The following TBC1D22A variants were observed in gnomAD, a reference collection of about 807,000 sequenced individuals.
TBC1D22A encodes the protein TBC1 domain family member 22A.
In TBC1D22A, 38 loss-of-function variants were observed where a neutral mutation model predicts 60.2. That is an observed-to-expected ratio of 0.63 (90% CI 0.49 to 0.83). The LOEUF is 0.83. TBC1D22A is among the 40% of genes least tolerant of loss of function. The pLI is 0.00. For missense variants in TBC1D22A, 628 were observed against 701.0 expected, an observed-to-expected ratio of 0.90 and a Z score of 1.18; for synonymous variants, 302 against 281.7, an observed-to-expected ratio of 1.07 and a Z score of -0.72.
intron 11 of TBC1D22A, among the ~76,000 whole-genome samples, chr22:47,058,096 G>C (rs908518388): frequency 1.3e-5 from 2 of 152,218 alleles, no homozygotes; most frequent in Non-Finnish European, 2.9e-5. Context: ...CTGCCCAGCA[G>C]ATCTGAGCTC....
At chr22:47,146,698 CGGT>C (rs948905113) in intron 12 of TBC1D22A, among the ~76,000 whole-genome samples, 2 of 152,194 alleles carry the variant, frequency 1.3e-5, no homozygotes, top group African/African-American at 4.8e-5. Context: ...GTCCATGACT[CGGT>C]GGCCCTTTCT....
At chr22:47,013,916 G>T (rs1304026268) in intron 10 of TBC1D22A, among the ~76,000 whole-genome samples, 1 of 152,194 alleles carries the variant, frequency 6.6e-6, no homozygotes, top group African/African-American at 2.4e-5. Flanking sequence ...GCTGCACACG[G>T]CCAGTCCTCC....
intron 9 of TBC1D22A, among the ~76,000 whole-genome samples, chr22:46,979,855 T>C (rs74667396): frequency 1.3e-5 from 2 of 152,074 alleles, no homozygotes; most frequent in Non-Finnish European, 2.9e-5. Context: ...AACAGACCCC[T>C]TGAAAGGTCT....
intron 8 of TBC1D22A, among the ~76,000 whole-genome samples, chr22:46,958,384 C>T (rs74491448): frequency 0.08 from 12,197 of 152,198 alleles, 981 homozygotes; most frequent in African/African-American, 0.21. Context: ...CAGCCTGTAT[C>T]CTCTCTGCAC....
At chr22:46,878,367 G>T (rs1177435909) in intron 4 of TBC1D22A, among the ~76,000 whole-genome samples, 1 of 140,602 alleles carries the variant, frequency 7.1e-6, no homozygotes, top group East Asian at 2.2e-4. Flanking sequence ...GTGTACTCTG[G>T]ACTTCTCTGG....
chr22:46,957,329 G>A (rs1196919805), intron 8 of TBC1D22A, among the ~76,000 whole-genome samples: 3 of 152,244 alleles, frequency 2.0e-5, no homozygotes, highest in African/African-American at 7.2e-5. Context: ...AGGTTTAACT[G>A]ACTCACAGTT....
intron 9 of TBC1D22A, among the ~76,000 whole-genome samples, chr22:46,988,106 T>C (rs994733036): frequency 3.3e-5 from 5 of 152,188 alleles, no homozygotes; most frequent in African/African-American, 7.2e-5. Flanking sequence ...CACTTTTTTT[T>C]CCTCATTTGT....
At chr22:46,835,318 A>G (rs1277275369) in intron 4 of TBC1D22A, among the ~76,000 whole-genome samples, 1 of 152,246 alleles carries the variant, frequency 6.6e-6, no homozygotes, top group Non-Finnish European at 1.5e-5. Context: ...AAAGAATTTA[A>G]GACAATTGAG....
At chr22:47,030,993 C>G (rs1477197447) in intron 10 of TBC1D22A, among the ~76,000 whole-genome samples, 1 of 152,238 alleles carries the variant, frequency 6.6e-6, no homozygotes, top group African/African-American at 2.4e-5. Context: ...TAAGTGACCA[C>G]TTCCGTGTGA....
intron 11 of TBC1D22A, among the ~76,000 whole-genome samples, chr22:47,048,585 G>T (rs182507870): frequency 3.0e-3 from 459 of 152,310 alleles, no homozygotes; most frequent in Admixed American, 0.011. Context: ...GGCAGACAGA[G>T]CCATGGGAAG....
At chr22:47,143,477 G>C (rs540378524) in intron 12 of TBC1D22A, among the ~76,000 whole-genome samples, 1 of 152,372 alleles carries the variant, frequency 6.6e-6, no homozygotes, top group South Asian at 2.1e-4. Context: ...CCAGGAATAA[G>C]TGTGAGTTTA....
At chr22:47,036,044 G>C (rs535839652) in intron 10 of TBC1D22A, among the ~76,000 whole-genome samples, 1 of 152,320 alleles carries the variant, frequency 6.6e-6, no homozygotes, top group South Asian at 2.1e-4. Context: ...TCCCTGTGAA[G>C]TGTTTCGGGG....
intron 8 of TBC1D22A, among the ~76,000 whole-genome samples, chr22:46,944,794 T>A (rs760613456): frequency 6.6e-6 from 1 of 152,266 alleles, no homozygotes; most frequent in Non-Finnish European, 1.5e-5. Context: ...ACAATGAAGA[T>A]ACTTTTATTT....
chr22:46,855,785 A>C (rs895752418), intron 4 of TBC1D22A, among the ~76,000 whole-genome samples: 75 of 152,192 alleles, frequency 4.9e-4, no homozygotes, highest in Admixed American at 3.3e-4. Flanking sequence ...TTTCGTTGCC[A>C]TCCGAGCCTT....
intron 12 of TBC1D22A, among the ~76,000 whole-genome samples, chr22:47,125,976 T>TTTTTTTG: frequency 6.6e-6 from 1 of 151,792 alleles, no homozygotes; most frequent in Non-Finnish European, 1.5e-5. Context: ...TGATGTTTCC[T>TTTTTTTG]TTTTTTGTTT....
intron 1 of TBC1D22A, among the ~76,000 whole-genome samples, chr22:46,784,704 G>A (rs954584059): frequency 5.9e-5 from 9 of 152,224 alleles, no homozygotes; most frequent in African/African-American, 2.2e-4. Context: ...CAAGAAGCAT[G>A]CTGGTTTTGA....
At chr22:47,101,202 A>G (rs1338931055) in intron 11 of TBC1D22A, among the ~76,000 whole-genome samples, 1 of 152,246 alleles carries the variant, frequency 6.6e-6, no homozygotes, top group Non-Finnish European at 1.5e-5. Context: ...AATCAGAACC[A>G]TATTCATCAT....
chr22:47,027,713 C>T (rs2062306718), intron 10 of TBC1D22A, among the ~76,000 whole-genome samples: 2 of 152,216 alleles, frequency 1.3e-5, no homozygotes, highest in African/African-American at 4.8e-5. Context: ...CAAACCCTCA[C>T]ACATTAAAGA....
At chr22:46,935,185 C>T (rs1344648277) in intron 8 of TBC1D22A, among the ~76,000 whole-genome samples, 1 of 152,110 alleles carries the variant, frequency 6.6e-6, no homozygotes, top group Non-Finnish European at 1.5e-5. Context: ...AGTAATATTA[C>T]CTCTGATGTC....
Sources: gnomAD v4.1 joint callset for allele counts (sites outside exome capture counted in the v4.1 genomes callset) on GRCh38, gnomAD v4.1.1 for gene constraint, MANE v1.5 for transcripts, NCBI Gene and HGNC (gene_info 2026-07-23, HGNC 2026-07-21) for gene names.